PSMG4: variants seen among roughly 807,000 people sequenced by gnomAD.
PSMG4 encodes the protein proteasome assembly chaperone 4, also known as proteasome (prosome, macropain) assembly chaperone 4.
PSMG4 carries 10 observed loss-of-function variants against 11.0 expected under a neutral mutation model. The ratio of observed to expected loss-of-function variants is 0.91; its 90% confidence interval spans 0.56 to 1.54. The LOEUF is 1.54. Ranked by LOEUF, PSMG4 falls within the 40% of genes most tolerant of loss-of-function variation. The probability of loss-of-function intolerance (pLI) is 0.00; values close to 1 mark genes in which losing one functional copy is unlikely to be tolerated. For synonymous variants in PSMG4, 95 were observed against 71.3 expected, an observed-to-expected ratio of 1.33 and a Z score of -1.68; for missense variants, 198 against 160.9, an observed-to-expected ratio of 1.23 and a Z score of -1.25.
intron 1 of PSMG4, among the ~76,000 whole-genome samples, chr6:3,263,411 T>C (rs1365907069): frequency 6.6e-6 from 1 of 152,272 alleles, no homozygotes; most frequent in Non-Finnish European, 1.5e-5. Flanking sequence ...TTTGAGACAC[T>C]AAAACGAGCC....
chr6:3,259,171 T>G lies in PSMG4; in HGVS notation c.149T>G (p.Leu50Arg). The G allele has an allele frequency of 7.6e-7, 1 of 1,307,392 alleles. No homozygotes were observed. The highest frequency in any genetic ancestry group is 9.7e-7 in the Non-Finnish European group (1 of 1,028,794). 81.0% of individuals were successfully genotyped at this position (1,307,392 alleles called of 1,614,324 possible). A position where few individuals can be genotyped will look rare whatever the true frequency, so the allele number is the denominator to read the frequency against. The change falls in exon 1 of 3, where the codon CTC becomes CGC. Residue 50 changes from leucine (L) to arginine (R), a missense_variant. Physicochemically the swap from Leu to Arg is moderately radical, Grantham distance 102 (BLOSUM62 -2). Coordinates refer to ENST00000438998, the MANE Select transcript of PSMG4 (RefSeq NM_001128591.2). ...WVGATPHLRN[L>R]AVAMCSRYDS... The stretch of plus-strand genomic sequence containing the variant: ...GGGGCCACGCCGCACCTGCGCAACC[T>G]CGCCGTGGCCATGTGCAGCCGCTAC...
intron 1 of PSMG4, among the ~76,000 whole-genome samples, chr6:3,259,778 C>T (rs551211421): frequency 2.0e-5 from 3 of 152,162 alleles, no homozygotes; most frequent in Non-Finnish European, 4.4e-5. Flanking sequence ...AAACCCAAGC[C>T]GCCCTCACCT....
Position 3,263,686 on chromosome 6 carries a change from C to T in PSMG4, c.177C>T (p.Asp59=), listed in dbSNP as rs1304797997. Residue 59 remains aspartate, a splice_region_variant and synonymous_variant, in exon 2 of 3, where the codon GAC becomes GAT. Transcript: ENST00000438998. ...TGTGCCCTTTGCTTTTCTTTTAGGA[C>T]TCCATCCCCGTGTCTACCTCCCTCC... ...NLAVAMCSRY[D]SIPVSTSLLG... 15 of 1,545,814 alleles carry T rather than the reference C, an allele frequency of 9.7e-6. No homozygotes were observed. Among genetic ancestry groups the T allele is most frequent in the Admixed American group, 2.0e-5 (1 of 49,758 alleles).
chr6:3,266,181 G>C (rs1384135226), intron 2 of PSMG4: 1 of 152,098 alleles, frequency 6.6e-6, no homozygotes, highest in Non-Finnish European at 1.5e-5. Flanking sequence ...AAAGCTGGGA[G>C]AGGTTTCCAG....
upstream of PSMG4, among the ~76,000 whole-genome samples, chr6:3,257,433 C>CT (rs1287266188): frequency 7.2e-5 from 11 of 152,206 alleles, no homozygotes; most frequent in Non-Finnish European, 1.6e-4. Flanking sequence ...CCAGCCAGGC[C>CT]TTGAACTCTC....
chr6:3,265,575 C>T (rs979484968), intron 2 of PSMG4: 4 of 152,182 alleles, frequency 2.6e-5, no homozygotes, highest in Non-Finnish European at 5.9e-5. Context: ...TGTTCCTGCC[C>T]CTGGGATATA....
upstream of PSMG4, among the ~76,000 whole-genome samples, chr6:3,256,398 C>T (rs1354781602): frequency 6.6e-6 from 1 of 152,350 alleles, no homozygotes; most frequent in Admixed American, 6.5e-5. Context: ...TGGTTCCCCA[C>T]TCGAGAAGGA....
At chr6:3,260,062 C>G (rs1466165982) in intron 1 of PSMG4, among the ~76,000 whole-genome samples, 2 of 151,968 alleles carry the variant, frequency 1.3e-5, no homozygotes, top group Non-Finnish European at 2.9e-5. Context: ...TCCTCAGCCT[C>G]CCGAGTAGCT....
upstream of PSMG4, among the ~76,000 whole-genome samples, chr6:3,254,476 A>C (rs4997140): frequency 3.3e-5 from 5 of 151,814 alleles, no homozygotes; most frequent in Middle Eastern, 3.4e-3. Flanking sequence ...TTTTTAGATA[A>C]ATATTGTTGC....
At chr6:3,256,227 TC>T, upstream of PSMG4, among the ~76,000 whole-genome samples, 1 of 152,318 alleles carries the variant, frequency 6.6e-6, no homozygotes, top group South Asian at 2.1e-4. Context: ...CTATGATAGC[TC>T]CTACCCTATA....
intron 1 of PSMG4, among the ~76,000 whole-genome samples, chr6:3,261,267 G>A (rs542734839): frequency 6.6e-6 from 1 of 152,212 alleles, no homozygotes; most frequent in African/African-American, 2.4e-5. Flanking sequence ...GAGGGTCCTG[G>A]CAGTGGACCT....
At chr6:3,260,291 A>ATATATATATATTTT in intron 1 of PSMG4, among the ~76,000 whole-genome samples, 1 of 70,842 alleles carries the variant, frequency 1.4e-5, no homozygotes, top group African/African-American at 5.5e-5. Flanking sequence ...ATATATATAT[A>ATATATATATATTTT]TTTTTTTTTT....
Position 3,267,904 on chromosome 6 carries a change from G to A in PSMG4, c.*192G>A. 2 of 531,820 alleles carry A rather than the reference G, an allele frequency of 3.8e-6. No individual in the cohort carries two copies. The highest frequency in any genetic ancestry group is 3.4e-6 in the Non-Finnish European group (1 of 297,612). 32.9% of individuals were successfully genotyped at this position (531,820 alleles called of 1,614,324 possible). A position where few individuals can be genotyped will look rare whatever the true frequency, so the allele number is the denominator to read the frequency against. On this transcript the variant is annotated 3_prime_UTR_variant, in exon 3 of 3. Coordinates refer to ENST00000438998, the MANE Select transcript of PSMG4 (RefSeq NM_001128591.2). ...ACCTGGTGAAGGAGAGGCAAAGTGG[G>A]CAGTATATACTTCCTCATTTGGCTG...
chr6:3,263,802 C>T, intron 2 of PSMG4, 43 bp downstream of exon 2: 1 of 1,535,698 alleles, frequency 6.5e-7, no homozygotes, highest in East Asian at 2.5e-5. Flanking sequence ...CCAGGTGGGG[C>T]CCACTCTTTA....
At chr6:3,266,707 G>A (rs896985689) in intron 2 of PSMG4, 12 of 144,288 alleles carry the variant, frequency 8.3e-5, no homozygotes, top group African/African-American at 3.1e-4. Context: ...AGAAAATTAC[G>A]TGTGTGTCCA....
chr6:3,254,604 AGTAGGC>A (rs765794301), upstream of PSMG4, among the ~76,000 whole-genome samples: 2 of 152,176 alleles, frequency 1.3e-5, no homozygotes, highest in Non-Finnish European at 2.9e-5. Flanking sequence ...AAATAATTCC[AGTAGGC>A]GTAGCTTTAA....
intron 2 of PSMG4, chr6:3,265,267 C>T (rs1422653133): frequency 1.8e-5 from 2 of 112,454 alleles, no homozygotes; most frequent in African/African-American, 6.5e-5. Flanking sequence ...GAGCCTGGGT[C>T]TGGGCCCTCA....
chr6:3,264,213 CGGAG>C, intron 2 of PSMG4: 1 of 1,551,548 alleles, frequency 6.4e-7, no homozygotes, highest in Non-Finnish European at 8.7e-7. Context: ...GTTCAGGGCT[CGGAG>C]GGAAGACTGG....
upstream of PSMG4, among the ~76,000 whole-genome samples, chr6:3,258,640 C>T (rs529067238): frequency 7.9e-5 from 12 of 152,118 alleles, no homozygotes; most frequent in Non-Finnish European, 1.6e-4. Context: ...GAATGCCCCG[C>T]GTCAGTAATA....
Sources: gnomAD v4.1 joint callset for allele counts (sites outside exome capture counted in the v4.1 genomes callset) on GRCh38, gnomAD v4.1.1 for gene constraint, MANE v1.5 for transcripts, NCBI Gene and HGNC (gene_info 2026-07-23, HGNC 2026-07-21) for gene names.